The following CIB2 variants were observed in gnomAD, a reference collection of about 807,000 sequenced individuals.
CIB2 encodes calcium and integrin-binding family member 2.
CIB2 carries 19 observed loss-of-function variants against 23.1 expected under a neutral mutation model. The observed-to-expected ratio is 0.82, with a 90% CI of 0.57 to 1.21. The LOEUF (loss-of-function observed/expected upper bound fraction) is 1.21. Among genes scored for constraint, CIB2 ranks in the 50% most tolerant of loss-of-function variants. The probability of loss-of-function intolerance (pLI) is 0.00; values close to 1 mark genes in which losing one functional copy is unlikely to be tolerated. For missense variants in CIB2, 220 were observed against 241.5 expected (o/e 0.91, Z 0.59); for synonymous variants, 94 against 91.7 (o/e 1.03, Z -0.14).
chr15:78,120,703 GCTAT>G (rs2074305907), intron 2 of CIB2: 1 of 985,508 alleles, frequency 1.0e-6, no homozygotes, highest in African/African-American at 1.7e-5. Flanking sequence ...TTGGAGGCGG[GCTAT>G]CTGTGACTCG....
chr15:78,127,650 C>T (rs2074398947), intron 1 of CIB2, among the ~76,000 whole-genome samples: 1 of 152,184 alleles, frequency 6.6e-6, no homozygotes, highest in Non-Finnish European at 1.5e-5. Flanking sequence ...ACCCACCTGC[C>T]TCCCATCTCC....
intron 2 of CIB2, among the ~76,000 whole-genome samples, chr15:78,113,997 G>A (rs890432539): frequency 6.6e-6 from 1 of 152,186 alleles, no homozygotes; most frequent in Non-Finnish European, 1.5e-5. Context: ...GTCAGGCTGA[G>A]GTTGGAGCCC....
At chr15:78,115,839 G>C (rs910104806) in intron 2 of CIB2, among the ~76,000 whole-genome samples, 1 of 151,470 alleles carries the variant, frequency 6.6e-6, no homozygotes. Flanking sequence ...CACCACACCC[G>C]GCTAATTTTT....
At chr15:78,117,246 C>CAAAAAAAA (rs60332437) in intron 2 of CIB2, among the ~76,000 whole-genome samples, 20 of 55,476 alleles carry the variant, frequency 3.6e-4, no homozygotes, top group Non-Finnish European at 4.5e-4. Context: ...AAGCTACTGG[C>CAAAAAAAA]AAAAAAAAAA....
chr15:78,131,187 T>G lies in CIB2; in HGVS notation c.29A>C (p.Glu10Ala). The change falls in exon 1 of 6, where the codon GAA becomes GCA. Residue 10 changes from glutamate to alanine, a missense_variant. Transcript: ENST00000258930. The surrounding 1 kb of genome is among the most constrained non-coding windows in gnomAD (Gnocchi z 5.8). ...CACCTGGTAGTTGTCTAGCTGCTCT[T>G]CGGTGAAGATGGTCTGCTTGTTCCC... MGNKQTIFTEEQLDNYQDCT... is the reference protein window; with the variant it reads MGNKQTIFTAEQLDNYQDCT... 6.3e-7 allele frequency: 1 copy of G among 1,589,864 alleles called. No homozygotes were observed. The highest frequency in any genetic ancestry group is 8.5e-7 in the Non-Finnish European group (1 of 1,169,704).
At chr15:78,114,847 C>T (rs2074214630) in intron 2 of CIB2, among the ~76,000 whole-genome samples, 2 of 149,650 alleles carry the variant, frequency 1.3e-5, no homozygotes, top group Admixed American at 1.3e-4. Flanking sequence ...ACTCAGGAGG[C>T]TAAAGTAGGA....
Position 78,123,709 on chromosome 15 carries a change from G to C in CIB2, c.82C>G (p.Leu28Val), listed in dbSNP as rs768296462. ...TGAACGAGAAGCCACACTTACTTGA[G>C]GATGTCCTTCTTATTGAAGAAGGTG... ...DCTFFNKKDI[L>V]KLHSRFYELA... The change falls in exon 2 of 6, where the codon CTC becomes GTC. Residue 28 changes from leucine to valine, a missense_variant. Physicochemically the swap from Leu to Val is conservative, Grantham distance 32. Coordinates refer to ENST00000258930, the MANE Select transcript of CIB2 (RefSeq NM_006383.4). 4.3e-6 allele frequency: 7 copies of C among 1,614,008 alleles called. No individual in the cohort carries two copies.
At position 78,125,895 on chromosome 15, in the gene CIB2, C is replaced by T. The variant is rs78582832; in HGVS notation, c.52-2156G>A. On this transcript the variant is annotated intron_variant, in intron 1 of 5. Coordinates refer to ENST00000258930, the MANE Select transcript of CIB2 (RefSeq NM_006383.4). ...TTCAAAGCCACTCAGGTGGTCCCAA[C>T]GTGCAACCCAGGCTGAAAACCACAT... Among the ~76,000 whole-genome samples, 596 of 152,256 alleles carry T rather than the reference C, an allele frequency of 3.9e-3. 10 individuals are homozygous for T. Among genetic ancestry groups the T allele is most frequent in the Admixed American group, 0.036 (544 of 15,294 alleles).
chr15:78,105,107 A>C lies in CIB2; in HGVS notation c.*204T>G, dbSNP rs1259996848. On this transcript the variant is annotated 3_prime_UTR_variant, in exon 6 of 6. Coordinates refer to ENST00000258930, the MANE Select transcript of CIB2 (RefSeq NM_006383.4). The stretch of plus-strand genomic sequence containing the variant: ...AGGCCATGGGTCCCGGGGCTGGACC[A>C]CAGCGGGGCTGTGGGAAGGGTCCTA... 1.4e-5 allele frequency: 9 copies of C among 663,132 alleles called. No homozygotes were observed. Among genetic ancestry groups the C allele is most frequent in the Non-Finnish European group, 2.2e-5 (9 of 401,472 alleles). The allele number at this position is 663,132 out of a possible 1,614,324, so 41.1% of individuals were successfully genotyped here.
intron 1 of CIB2, among the ~76,000 whole-genome samples, chr15:78,128,121 C>T (rs918688926): frequency 2.0e-5 from 3 of 152,202 alleles, no homozygotes; most frequent in Non-Finnish European, 4.4e-5. Flanking sequence ...CAGTATAAAC[C>T]ATTCTGTGGC....
chr15:78,130,634 A>G (rs1391476233), intron 1 of CIB2, among the ~76,000 whole-genome samples: 1 of 152,176 alleles, frequency 6.6e-6, no homozygotes, highest in Non-Finnish European at 1.5e-5. Context: ...TGCTCCAGTT[A>G]TCTCCATGCT....
Position 78,111,340 on chromosome 15 carries a change from G to A in CIB2, c.87-64C>T, listed in dbSNP as rs2074156599. 14 of 1,362,268 alleles carry A rather than the reference G, an allele frequency of 1.0e-5. No individual in the cohort carries two copies. In the South Asian group the frequency reaches 1.5e-4, roughly 15 times the overall value. 84.4% of individuals were successfully genotyped at this position (1,362,268 alleles called of 1,614,324 possible). A position where few individuals can be genotyped will look rare whatever the true frequency, so the allele number is the denominator to read the frequency against. ...CATCCCTAAGCCCCAGCAGCCCGGTGCTGTCCTGCCTAGGCCTCTGCCTCT... is the reference window on the plus strand; with the variant it reads ...CATCCCTAAGCCCCAGCAGCCCGGTACTGTCCTGCCTAGGCCTCTGCCTCT... On this transcript the variant is annotated intron_variant, in intron 2 of 5. Coordinates refer to ENST00000258930, the MANE Select transcript of CIB2 (RefSeq NM_006383.4).
chr15:78,112,123 A>G (rs984721520), intron 2 of CIB2, among the ~76,000 whole-genome samples: 1 of 152,162 alleles, frequency 6.6e-6, no homozygotes, highest in Non-Finnish European at 1.5e-5. Context: ...CAAAGGTGTA[A>G]GGCATCCTGG....
intron 4 of CIB2, among the ~76,000 whole-genome samples, chr15:78,108,882 T>C (rs2074110224): frequency 6.6e-6 from 1 of 150,888 alleles, no homozygotes; most frequent in South Asian, 2.1e-4. Flanking sequence ...AGCTCTGCGC[T>C]TCCCTGTGTC....
chr15:78,122,416 C>T lies in CIB2; in HGVS notation c.86+1289G>A, dbSNP rs74747571. On this transcript the variant is annotated intron_variant, in intron 2 of 5. Coordinates refer to ENST00000258930, the MANE Select transcript of CIB2 (RefSeq NM_006383.4). ...ACAAAGGTAGGGAACCCGAAGCTCC[C>T]TGTGAGGCTCAAATGAGGCTCCATG... Among the ~76,000 whole-genome samples, 42 of 152,314 alleles carry T rather than the reference C, an allele frequency of 2.8e-4. No homozygotes were observed. The East Asian group carries it at 8.1e-3, about 29-fold the overall frequency.
intron 2 of CIB2, among the ~76,000 whole-genome samples, chr15:78,119,004 A>G (rs1345115425): frequency 6.6e-6 from 1 of 152,102 alleles, no homozygotes; most frequent in Non-Finnish European, 1.5e-5. Flanking sequence ...AACAAGGTGA[A>G]CCCCATCTCT....
At chr15:78,122,887 G>C (rs1443891887) in intron 2 of CIB2, among the ~76,000 whole-genome samples, 1 of 152,226 alleles carries the variant, frequency 6.6e-6, no homozygotes, top group Admixed American at 6.5e-5. Flanking sequence ...CTGCAGCACA[G>C]CTCTCTTGGG....
intron 3 of CIB2, 118 bp from the exon 4 acceptor site, chr15:78,109,500 G>A (rs748059714): frequency 9.8e-6 from 11 of 1,124,954 alleles, no homozygotes; most frequent in South Asian, 2.5e-5. Flanking sequence ...CTGAGCCTCG[G>A]TTTCCCCATC....
At chr15:78,120,508 G>C in intron 2 of CIB2, 12 of 978,908 alleles carry the variant, frequency 1.2e-5, no homozygotes, top group Non-Finnish European at 1.5e-5. Flanking sequence ...CTACTGTCCC[G>C]CTGATTAAAG....
Sources: gnomAD v4.1 joint callset for allele counts (sites outside exome capture counted in the v4.1 genomes callset) on GRCh38, gnomAD v4.1.1 for gene constraint, Gnocchi (gnomAD v3.1) non-coding constraint, MANE v1.5 for transcripts, NCBI Gene and HGNC (gene_info 2026-07-23, HGNC 2026-07-21) for gene names.